The following FANCL variants were observed in gnomAD, a reference collection of about 807,000 sequenced individuals.
FANCL encodes the protein FA complementation group L, also known as E3 ubiquitin-protein ligase FANCL.
FANCL carries 69 observed loss-of-function variants against 59.4 expected under a neutral mutation model. That is an observed-to-expected ratio of 1.16 (90% CI 0.96 to 1.42). The LOEUF (loss-of-function observed/expected upper bound fraction) is 1.42, where lower values mean the gene tolerates loss of function less well. Ranked by LOEUF, FANCL falls within the 40% of genes most tolerant of loss-of-function variation. FANCL has a pLI of 0.00. For missense variants in FANCL, 519 were observed against 447.2 expected (o/e 1.16, Z -1.45); for synonymous variants, 180 against 147.1 (o/e 1.22, Z -1.62).
In FANCL at chr2:58,159,609, A is replaced by C; in HGVS notation, c.*156T>G. ...CAATTTCCCAGTTTACTCTTAGTGA[A>C]GAGACAAACGCAGATGTTTATTATT... On this transcript the variant is annotated 3_prime_UTR_variant, in exon 14 of 14. Coordinates refer to ENST00000233741, the MANE Select transcript of FANCL (RefSeq NM_018062.4). 1 of 1,613,860 alleles carries C rather than the reference A, an allele frequency of 6.2e-7. No homozygotes were observed. The highest frequency in any genetic ancestry group is 8.5e-7 in the Non-Finnish European group (1 of 1,179,822).
intron 7 of FANCL, among the ~76,000 whole-genome samples, chr2:58,190,235 C>T (rs143259414): frequency 6.6e-6 from 1 of 152,042 alleles, no homozygotes; most frequent in African/African-American, 2.4e-5. Flanking sequence ...TATAACTGAT[C>T]ACTGATCACC....
intron 7 of FANCL, among the ~76,000 whole-genome samples, chr2:58,174,781 C>T (rs1476050753): frequency 6.6e-6 from 1 of 152,138 alleles, no homozygotes; most frequent in Non-Finnish European, 1.5e-5. Context: ...CAAGAAATAA[C>T]TAAAACCAGA....
Position 58,159,648 on chromosome 2 carries a change from A to C in FANCL, c.*117T>G. 4 of 1,613,676 alleles carry C rather than the reference A, an allele frequency of 2.5e-6. No individual in the cohort carries two copies. The highest frequency in any genetic ancestry group is 3.4e-6 in the Non-Finnish European group (4 of 1,179,742). Reference sequence around the variant, plus strand: ...ATGTTTATTATTATCGCATCATCATACCTGTCCTTTTGATGTTAGTATTTC... The same window carrying C: ...ATGTTTATTATTATCGCATCATCATCCCTGTCCTTTTGATGTTAGTATTTC... On this transcript the variant is annotated 3_prime_UTR_variant, in exon 14 of 14. Coordinates refer to ENST00000233741, the MANE Select transcript of FANCL (RefSeq NM_018062.4).
chr2:58,174,086 A>C (rs942090924), intron 7 of FANCL, among the ~76,000 whole-genome samples: 1 of 152,188 alleles, frequency 6.6e-6, no homozygotes, highest in African/African-American at 2.4e-5. Context: ...AGAGGAGCTA[A>C]CTATCCTAAA....
At chr2:58,164,901 A>T (rs193176786) in intron 8 of FANCL, among the ~76,000 whole-genome samples, 19 of 152,190 alleles carry the variant, frequency 1.2e-4, no homozygotes, top group Non-Finnish European at 2.5e-4. Flanking sequence ...CACGTATGTG[A>T]CATTCTTCCC....
In FANCL at chr2:58,187,402, C is replaced by T. The variant is rs549315764; in HGVS notation, c.540+11192G>A. On this transcript the variant is annotated intron_variant, in intron 7 of 13. Coordinates refer to ENST00000233741, the MANE Select transcript of FANCL (RefSeq NM_018062.4). ...GACACAGGGCAAGGAACATCACACACTGGGGCCTGTCGTGGGGTGGGGGGG... is the reference window on the plus strand; with the variant it reads ...GACACAGGGCAAGGAACATCACACATTGGGGCCTGTCGTGGGGTGGGGGGG... 7.9e-3 allele frequency among the ~76,000 whole-genome samples: 726 copies of T among 92,106 alleles called. 3 individuals are homozygous for T. Among genetic ancestry groups the T allele is most frequent in the African/African-American group, 0.029 (685 of 23,542 alleles). The allele number at this position is 92,106 out of a possible 152,430, so 60.4% of individuals were successfully genotyped here. A position where few individuals can be genotyped will look rare whatever the true frequency, so the allele number is the denominator to read the frequency against.
At chr2:58,187,640 C>T (rs1341643777) in intron 7 of FANCL, among the ~76,000 whole-genome samples, 1 of 151,662 alleles carries the variant, frequency 6.6e-6, no homozygotes, top group Non-Finnish European at 1.5e-5. Context: ...CAGAAAAAGA[C>T]AAGCAACTGA....
At chr2:58,165,453 G>A (rs762839658) in intron 8 of FANCL, among the ~76,000 whole-genome samples, 6 of 152,044 alleles carry the variant, frequency 3.9e-5, no homozygotes, top group Non-Finnish European at 2.9e-5. Context: ...CCTGTTCCAC[G>A]ATTCCTGTGC....
At chr2:58,211,397 C>G (rs1278418610) in intron 5 of FANCL, among the ~76,000 whole-genome samples, 3 of 152,136 alleles carry the variant, frequency 2.0e-5, no homozygotes, top group African/African-American at 7.2e-5. Context: ...TGCTGGGACC[C>G]TGTGCCCACT....
chr2:58,219,158 AAAAAAAAAAAAAAATATATAT>A (rs1172228809), intron 5 of FANCL, among the ~76,000 whole-genome samples: 9 of 97,814 alleles, frequency 9.2e-5, no homozygotes, highest in African/African-American at 4.7e-4. Context: ...AAAAAAAAAA[AAAAAAAAAAAAAAATATATAT>A]ATATATATAT....
At chr2:58,191,201 G>T (rs933097243) in intron 7 of FANCL, among the ~76,000 whole-genome samples, 1 of 151,646 alleles carries the variant, frequency 6.6e-6, no homozygotes, top group South Asian at 2.1e-4. Context: ...AACAAAACAT[G>T]AGAGAATGTT....
chr2:58,186,971 T>A (rs1210479816), intron 7 of FANCL, among the ~76,000 whole-genome samples: 3 of 151,892 alleles, frequency 2.0e-5, no homozygotes, highest in Non-Finnish European at 4.4e-5. Flanking sequence ...TTGGTGGGAG[T>A]GTGAACTAGT....
At chr2:58,184,022 T>C (rs553620090) in intron 7 of FANCL, among the ~76,000 whole-genome samples, 6 of 151,998 alleles carry the variant, frequency 3.9e-5, no homozygotes, top group East Asian at 1.9e-4. Context: ...CTTCCAGGTA[T>C]AGAAGTCAAG....
intron 1 of FANCL, among the ~76,000 whole-genome samples, 197 bp downstream of exon 1, chr2:58,241,021 C>G (rs1003591877): frequency 3.3e-5 from 5 of 152,050 alleles, no homozygotes; most frequent in Non-Finnish European, 7.4e-5. Context: ...TCCTCGCTCC[C>G]CATCCAGCGC....
chr2:58,236,363 T>C (rs1266087147), intron 1 of FANCL, among the ~76,000 whole-genome samples: 7 of 151,406 alleles, frequency 4.6e-5, no homozygotes, highest in African/African-American at 9.7e-5. Context: ...AATTATATAG[T>C]TGATAAACCA....
rs1684650796 is a variant in FANCL, at chr2:58,159,264, T to C, written c.*501A>G. ...AAACTTGATCTTGTATAACATTTTA[T>C]TTAGCATTCTTACACACTACACAAA... On this transcript the variant is annotated 3_prime_UTR_variant, in exon 14 of 14. Transcript: ENST00000233741. The C allele has an allele frequency of 9.6e-7, 1 of 1,037,888 alleles. No individual in the cohort carries two copies. Among genetic ancestry groups the C allele is most frequent in the African/African-American group, 1.6e-5 (1 of 62,552 alleles). 64.3% of individuals were successfully genotyped at this position (1,037,888 alleles called of 1,614,324 possible).
At chr2:58,209,931 A>G (rs548908917) in intron 5 of FANCL, among the ~76,000 whole-genome samples, 1 of 152,292 alleles carries the variant, frequency 6.6e-6, no homozygotes, top group East Asian at 1.9e-4. Context: ...CTACCAATAT[A>G]TGTTGACAAT....
chr2:58,202,524 T>G (rs890749978), intron 6 of FANCL, among the ~76,000 whole-genome samples: 3 of 151,836 alleles, frequency 2.0e-5, no homozygotes, highest in Non-Finnish European at 4.4e-5. Flanking sequence ...AAAACAGTTT[T>G]TTTTTTCTTT....
At chr2:58,167,813 A>T (rs1411380431) in intron 7 of FANCL, among the ~76,000 whole-genome samples, 1 of 152,202 alleles carries the variant, frequency 6.6e-6, no homozygotes, top group Non-Finnish European at 1.5e-5. Context: ...AAAATGTGAC[A>T]AGTTGGACAT....
Sources: gnomAD v4.1 joint callset for allele counts (sites outside exome capture counted in the v4.1 genomes callset) on GRCh38, gnomAD v4.1.1 for gene constraint, MANE v1.5 for transcripts, NCBI Gene and HGNC (gene_info 2026-07-23, HGNC 2026-07-21) for gene names.